The following CCNY variants were observed in gnomAD, a reference collection of about 807,000 sequenced individuals.
CCNY encodes the protein cyclin-Y.
In CCNY, 19 loss-of-function variants were observed where a neutral mutation model predicts 42.8. That is an observed-to-expected ratio of 0.44 (90% CI 0.31 to 0.65). The LOEUF (loss-of-function observed/expected upper bound fraction) is 0.65, where lower values mean the gene tolerates loss of function less well. CCNY is among the 30% of genes least tolerant of loss of function. CCNY has a pLI of 0.07. For missense variants in CCNY, 370 were observed against 437.3 expected (o/e 0.85, Z 1.37); for synonymous variants, 165 against 162.7 (o/e 1.01, Z -0.11).
chr10:35,382,850 A>G (rs1837218069), intron 1 of CCNY, among the ~76,000 whole-genome samples: 1 of 152,248 alleles, frequency 6.6e-6, no homozygotes, highest in South Asian at 2.1e-4. Flanking sequence ...TGTTATTATT[A>G]TGATTAACTT....
chr10:35,318,025 C>G (rs1835781042), intron 3 of CCNY, among the ~76,000 whole-genome samples: 1 of 151,954 alleles, frequency 6.6e-6, no homozygotes, highest in East Asian at 1.9e-4. Context: ...GCCAGGAGTT[C>G]AAGACCAGCC....
chr10:35,251,392 A>C (rs16935945), intron 3 of CCNY, among the ~76,000 whole-genome samples: 55,384 of 151,966 alleles, frequency 0.36, 10,511 homozygotes, highest in African/African-American at 0.47. Context: ...TTGGCAGCAC[A>C]GATGAGACAG....
At chr10:35,254,468 G>A (rs1468315803) in intron 3 of CCNY, among the ~76,000 whole-genome samples, 1 of 152,146 alleles carries the variant, frequency 6.6e-6, no homozygotes, top group Non-Finnish European at 1.5e-5. Flanking sequence ...TGAATGCCTA[G>A]TCTGGTAATG....
intron 2 of CCNY, among the ~76,000 whole-genome samples, chr10:35,491,877 G>A (rs1215985628): frequency 6.6e-6 from 1 of 151,770 alleles, no homozygotes; most frequent in Non-Finnish European, 1.5e-5. Flanking sequence ...GCCCTCCAAA[G>A]TGCTGGGATT....
At chr10:35,367,262 C>T (rs1401540780) in intron 1 of CCNY, among the ~76,000 whole-genome samples, 1 of 152,044 alleles carries the variant, frequency 6.6e-6, no homozygotes. Context: ...TACCTTATGA[C>T]TGTATAGTAT....
intron 1 of CCNY, among the ~76,000 whole-genome samples, chr10:35,413,062 G>T (rs1484740049): frequency 6.6e-6 from 1 of 151,988 alleles, no homozygotes; most frequent in Middle Eastern, 3.4e-3. Flanking sequence ...TAGTCTTTTG[G>T]TATTGTGTTG....
rs139218514 is a variant in CCNY, at chr10:35,527,370, C to CT, written c.401+1372dup. ...TCAAGACAATTTTGCATTAGAATCTCTAAGATATTTCTCAGTACTTACTTA... is the reference window on the plus strand; with the variant it reads ...TCAAGACAATTTTGCATTAGAATCTCTTAAGATATTTCTCAGTACTTACTTA... On this transcript the variant is annotated intron_variant, in intron 5 of 9. Transcript: ENST00000374704. Among the ~76,000 whole-genome samples, 513 of 152,296 alleles carry CT rather than the reference C, an allele frequency of 3.4e-3. 3 individuals are homozygous for CT. The highest frequency in any genetic ancestry group is 0.012 in the African/African-American group (479 of 41,560).
intron 3 of CCNY, among the ~76,000 whole-genome samples, chr10:35,299,577 A>G (rs1835509387): frequency 6.6e-6 from 1 of 152,194 alleles, no homozygotes; most frequent in Admixed American, 6.5e-5. Context: ...AAATGGATAC[A>G]GTCAATCCAC....
intron 1 of CCNY, among the ~76,000 whole-genome samples, chr10:35,384,226 A>G (rs1837254763): frequency 6.6e-6 from 1 of 152,288 alleles, no homozygotes; most frequent in East Asian, 1.9e-4. Flanking sequence ...AAAACATGGC[A>G]TCACACAAGC....
Position 35,349,022 on chromosome 10 carries a change from A to T in CCNY, c.154+11815A>T, listed in dbSNP as rs187136918. ...TACACTTCCATGTGAATTTTTTCCA[A>T]CCAAACCAGGTTGAAAATGCAGTGT... On this transcript the variant is annotated intron_variant, in intron 1 of 9. Transcript: ENST00000374704. 2.7e-3 allele frequency among the ~76,000 whole-genome samples: 418 copies of T among 152,198 alleles called. 2 individuals carry two copies. Among genetic ancestry groups the T allele is most frequent in the Non-Finnish European group, 4.5e-3 (305 of 67,992 alleles).
chr10:35,377,550 A>G (rs1483872607), intron 1 of CCNY, among the ~76,000 whole-genome samples: 1 of 152,218 alleles, frequency 6.6e-6, no homozygotes, highest in Middle Eastern at 3.2e-3. Flanking sequence ...CAGCAACAAA[A>G]TTACCTAACA....
chr10:35,427,377 C>T (rs1248390300), intron 1 of CCNY, among the ~76,000 whole-genome samples: 1 of 152,172 alleles, frequency 6.6e-6, no homozygotes, highest in Non-Finnish European at 1.5e-5. Flanking sequence ...CCTGTGGAAG[C>T]ACCCAGATGT....
intron 1 of CCNY, among the ~76,000 whole-genome samples, chr10:35,466,915 C>T (rs537126688): frequency 4.5e-4 from 69 of 152,274 alleles, no homozygotes; most frequent in Admixed American, 2.1e-3. Flanking sequence ...TGGGACTAGA[C>T]GCCTGCACCA....
At position 35,336,985 on chromosome 10, in the gene CCNY, G is replaced by T. The variant is rs1836051850; in HGVS notation, c.-69G>T. 18 of 1,236,056 alleles carry T rather than the reference G, an allele frequency of 1.5e-5. No homozygotes were observed. In the South Asian group the frequency reaches 4.2e-4, roughly 29 times the overall value. 76.6% of individuals were successfully genotyped at this position (1,236,056 alleles called of 1,614,324 possible). A position where few individuals can be genotyped will look rare whatever the true frequency, so the allele number is the denominator to read the frequency against. On this transcript the variant is annotated 5_prime_UTR_variant, in exon 1 of 10. Transcript: ENST00000374704. Reference sequence around the variant, plus strand: ...CACGCCCCCGCCGCCCGCGCCCCGCGTCCACCCGCGCCCCGCTCCCGGGGA... The same window carrying T: ...CACGCCCCCGCCGCCCGCGCCCCGCTTCCACCCGCGCCCCGCTCCCGGGGA...
intron 3 of CCNY, among the ~76,000 whole-genome samples, chr10:35,331,434 A>G (rs964556197): frequency 3.3e-5 from 5 of 152,238 alleles, no homozygotes; most frequent in Non-Finnish European, 5.9e-5. Context: ...GTGAACTTGC[A>G]GTGGTGAGGT....
At chr10:35,322,406 T>C (rs1437125626) in intron 3 of CCNY, among the ~76,000 whole-genome samples, 1 of 149,262 alleles carries the variant, frequency 6.7e-6, no homozygotes, top group African/African-American at 2.5e-5. Context: ...CAGGAGAACA[T>C]TTACATGATC....
intron 1 of CCNY, among the ~76,000 whole-genome samples, chr10:35,345,634 A>G (rs1460226556): frequency 6.6e-6 from 1 of 152,196 alleles, no homozygotes; most frequent in Non-Finnish European, 1.5e-5. Flanking sequence ...GTGCTCCAGT[A>G]TCTCCACCTA....
intron 3 of CCNY, among the ~76,000 whole-genome samples, chr10:35,329,316 C>T (rs888836094): frequency 6.6e-6 from 1 of 152,088 alleles, no homozygotes; most frequent in Non-Finnish European, 1.5e-5. Flanking sequence ...CTTTGGGAGG[C>T]CCAGATGGGT....
upstream of CCNY, chr10:35,336,425 C>G (rs1209102332): frequency 6.6e-6 from 1 of 151,898 alleles, no homozygotes; most frequent in African/African-American, 2.4e-5. Flanking sequence ...CGATCTGCTT[C>G]CAGGGCAGAG....
Sources: allele counts gnomAD v4.1 joint callset (sites outside exome capture counted in the v4.1 genomes callset), GRCh38; gene constraint gnomAD v4.1.1; transcripts MANE v1.5; gene names NCBI Gene and HGNC (gene_info 2026-07-23, HGNC 2026-07-21).